Variants in FRMPD2 observed in about 807,000 individuals in gnomAD.
The protein encoded by FRMPD2 is FERM and PDZ domain containing 2.
FRMPD2 carries 96 observed loss-of-function variants against 140.1 expected under a neutral mutation model. That is an observed-to-expected ratio of 0.69 (90% CI 0.58 to 0.81). FRMPD2 has a LOEUF of 0.81. FRMPD2 is among the 40% of genes least tolerant of loss of function. FRMPD2 has a pLI of 0.00. For synonymous variants in FRMPD2, 449 were observed against 547.6 expected, an observed-to-expected ratio of 0.82 and a Z score of 2.52; for missense variants, 1,240 against 1,447.4, an observed-to-expected ratio of 0.86 and a Z score of 2.32.
At position 48,163,049 on chromosome 10, in the gene FRMPD2, G is replaced by A. The variant is rs1470066383; in HGVS notation, c.3881+279C>T. 2.7e-4 allele frequency among the ~76,000 whole-genome samples: 39 copies of A among 144,310 alleles called. No individual in the cohort carries two copies. The South Asian group carries it at 8.2e-3, about 30-fold the overall frequency. 94.7% of individuals were successfully genotyped at this position (144,310 alleles called of 152,430 possible). A position where few individuals can be genotyped will look rare whatever the true frequency, so the allele number is the denominator to read the frequency against. The stretch of plus-strand genomic sequence containing the variant: ...AGGCCATGGAAGATACAAGAGAAAG[G>A]TTTGTGTGCCAGGAGAAAACCTGAG... On this transcript the variant is annotated intron_variant, in intron 28 of 28. Transcript: ENST00000374201.
intron 12 of FRMPD2, among the ~76,000 whole-genome samples, chr10:48,217,112 T>C (rs1436841059): frequency 1.3e-5 from 2 of 152,174 alleles, no homozygotes; most frequent in Non-Finnish European, 2.9e-5. Flanking sequence ...CAGAGGGGAA[T>C]TGAACTATAC....
Position 48,193,019 on chromosome 10 carries a change from T to C in FRMPD2, c.1955-125A>G. On this transcript the variant is annotated intron_variant, in intron 15 of 28. Transcript: ENST00000374201. ...TCCTCCTTTCTTTTTCTGCTGCTAT[T>C]TTGTCTCCTGTGATTATCCCTGGGA... 6 of 721,420 alleles carry C rather than the reference T, an allele frequency of 8.3e-6. 2 individuals carry two copies. The South Asian group carries it at 1.0e-4, about 12-fold the overall frequency. 44.7% of individuals were successfully genotyped at this position (721,420 alleles called of 1,614,324 possible). A position where few individuals can be genotyped will look rare whatever the true frequency, so the allele number is the denominator to read the frequency against.
intron 20 of FRMPD2, among the ~76,000 whole-genome samples, chr10:48,182,413 C>A (rs1838574365): frequency 6.6e-6 from 1 of 152,184 alleles, no homozygotes; most frequent in African/African-American, 2.4e-5. Flanking sequence ...AAAGGAAACT[C>A]AATTTATTGT....
At chr10:48,234,820 TG>T (rs1277269792) in intron 9 of FRMPD2, among the ~76,000 whole-genome samples, 5 of 151,542 alleles carry the variant, frequency 3.3e-5, no homozygotes, top group Admixed American at 1.3e-4. Flanking sequence ...CAGACAGAAC[TG>T]GGACAATAGC....
At chr10:48,189,687 T>G (rs1838783901) in intron 16 of FRMPD2, among the ~76,000 whole-genome samples, 2 of 138,680 alleles carry the variant, frequency 1.4e-5, no homozygotes, top group South Asian at 2.1e-4. Context: ...TCCATTTTTC[T>G]AGTAAGACTA....
rs769657305 is a variant in FRMPD2 at position 48,232,206 on chromosome 10, A to G, written c.1077T>C (p.Asp359=). The G allele has an allele frequency of 3.1e-6, 5 of 1,613,902 alleles. No individual in the cohort carries two copies. In the African/African-American group the frequency reaches 5.4e-5, roughly 17 times the overall value. The change falls in exon 10 of 29, where the codon GAT becomes GAC. Residue 359 remains aspartate, a synonymous_variant. Coordinates refer to ENST00000374201, the MANE Select transcript of FRMPD2 (RefSeq NM_001018071.4). ...AGACAGCTCCCACTGTTGATTCAAC[A>G]TCACATTTTACCTCCAGGTGCTGCC... ...LNGQHLEVKC[D]VESTVGAVFN...
At chr10:48,177,275 T>C (rs1838434685) in intron 22 of FRMPD2, 1 of 148,182 alleles carries the variant, frequency 6.7e-6, no homozygotes, top group African/African-American at 2.5e-5. Flanking sequence ...ATCCAGCTAA[T>C]TTTTTTTTTT....
At chr10:48,232,000 A>T in intron 10 of FRMPD2, 115 bp downstream of exon 10, 1 of 896,698 alleles carries the variant, frequency 1.1e-6, no homozygotes, top group South Asian at 1.5e-5. Flanking sequence ...TAGGCATACA[A>T]AGGGAGGCAC....
At chr10:48,274,100 C>T (rs542939716) in intron 1 of FRMPD2, among the ~76,000 whole-genome samples, 39 of 152,224 alleles carry the variant, frequency 2.6e-4, no homozygotes, top group Non-Finnish European at 5.3e-4. Flanking sequence ...CCATGATTTA[C>T]TGGGCTACTC....
chr10:48,252,230 C>T (rs1840402629), intron 1 of FRMPD2, among the ~76,000 whole-genome samples: 1 of 152,146 alleles, frequency 6.6e-6, no homozygotes, highest in Non-Finnish European at 1.5e-5. Flanking sequence ...GAAGTATAAG[C>T]CCCATGTTTC....
In FRMPD2 at chr10:48,238,026, G is replaced by C; in HGVS notation, c.886C>G (p.Pro296Ala). 6.2e-7 allele frequency: 1 copy of C among 1,614,150 alleles called. No individual in the cohort carries two copies. The highest frequency in any genetic ancestry group is 1.7e-5 in the Admixed American group (1 of 60,020). Residue 296 changes from proline (P) to alanine (A), a missense_variant, in exon 8 of 29, where the codon CCT becomes GCT. By Grantham distance (27) the Pro-to-Ala change is conservative. Transcript: ENST00000374201. Reference protein sequence around the residue: ...SAADSSWPTTPSQRGFLQRRS... With the variant: ...SAADSSWPTTASQRGFLQRRS... Reference sequence around the variant, plus strand: ...CTTTGCAGAAAACCCCTCTGAGAAGGAGTTGTTGGCCATGAGCTGTCTGCT... The same window carrying C: ...CTTTGCAGAAAACCCCTCTGAGAAGCAGTTGTTGGCCATGAGCTGTCTGCT...
intron 13 of FRMPD2, among the ~76,000 whole-genome samples, chr10:48,210,800 T>C (rs1268290204): frequency 6.6e-6 from 1 of 152,260 alleles, no homozygotes; most frequent in Non-Finnish European, 1.5e-5. Flanking sequence ...AACCTCATGT[T>C]GGCTGTTCTG....
intron 22 of FRMPD2, among the ~76,000 whole-genome samples, chr10:48,177,102 G>A (rs1306175515): frequency 1.4e-5 from 2 of 147,656 alleles, no homozygotes; most frequent in Admixed American, 6.7e-5. Flanking sequence ...GAAGGTAATG[G>A]ATCACTTTTT....
intron 27 of FRMPD2, among the ~76,000 whole-genome samples, chr10:48,166,113 G>C (rs1838094914): frequency 1.0e-5 from 1 of 97,554 alleles, no homozygotes; most frequent in African/African-American, 3.9e-5. Flanking sequence ...CATGAAATAG[G>C]TATATGTGAT....
intron 15 of FRMPD2, among the ~76,000 whole-genome samples, chr10:48,196,232 C>T (rs1245028656): frequency 6.6e-6 from 1 of 152,078 alleles, no homozygotes; most frequent in Non-Finnish European, 1.5e-5. Context: ...TATGGCAGGA[C>T]TGGGGACTGA....
At chr10:48,174,149 C>A (rs1288929605) in intron 24 of FRMPD2, among the ~76,000 whole-genome samples, 1 of 152,050 alleles carries the variant, frequency 6.6e-6, no homozygotes. Flanking sequence ...AGAACATTGC[C>A]CCAAGCTTGC....
chr10:48,256,821 C>A (rs1588858183), intron 1 of FRMPD2, among the ~76,000 whole-genome samples: 1 of 152,188 alleles, frequency 6.6e-6, no homozygotes, highest in African/African-American at 2.4e-5. Context: ...TTTGTCCTCA[C>A]CTCCTCGGCA....
At chr10:48,191,337 T>G (rs1423851812) in intron 16 of FRMPD2, among the ~76,000 whole-genome samples, 2 of 152,158 alleles carry the variant, frequency 1.3e-5, no homozygotes, top group Non-Finnish European at 2.9e-5. Flanking sequence ...CAATACCACA[T>G]GAAACCCAGA....
rs1440289169 is a variant in FRMPD2, at chr10:48,192,696, C to G, written c.2153G>C (p.Gly718Ala). 6.2e-7 allele frequency: 1 copy of G among 1,613,966 alleles called. No homozygotes were observed. The highest frequency in any genetic ancestry group is 8.5e-7 in the Non-Finnish European group (1 of 1,180,018). The part of the protein sequence containing the change: ...VDGSKEAGAE[G>A]IGRSPCTGRE... ...GTGTCACACCCACCTGCGCCCGATG[C>G]CTTCTGCTCCAGCCTCCTTGCTGCC... Residue 718 changes from glycine to alanine, a missense_variant, in exon 16 of 29, where the codon GGC becomes GCC. Around this residue, in one of 6 missense-constraint regions of FRMPD2, gnomAD observed 1,161 missense variants for 1,055.9 expected, o/e 1.10. Transcript: ENST00000374201.
Sources: gnomAD v4.1 joint callset for allele counts (sites outside exome capture counted in the v4.1 genomes callset) on GRCh38, gnomAD v4.1.1 for gene constraint, gnomAD v4.1.1 regional missense constraint, MANE v1.5 for transcripts, NCBI Gene and HGNC (gene_info 2026-07-23, HGNC 2026-07-21) for gene names.